Variants in GRB14 observed in about 807,000 individuals in gnomAD.
The protein encoded by GRB14 is growth factor receptor-bound protein 14.
Under a neutral mutation model 69.1 loss-of-function variants are expected in GRB14, and 38 were observed. That is an observed-to-expected ratio of 0.55 (90% CI 0.42 to 0.72). GRB14 has a LOEUF of 0.72. Among genes scored for constraint, GRB14 ranks in the 30% least tolerant of loss-of-function variants. GRB14 has a pLI of 0.00. For missense variants in GRB14, 666 were observed against 666.1 expected (o/e 1.00, Z 0.00); for synonymous variants, 247 against 241.3 (o/e 1.02, Z -0.22).
At chr2:164,505,739 T>C (rs1234416793) in intron 8 of GRB14, among the ~76,000 whole-genome samples, 1 of 152,130 alleles carries the variant, frequency 6.6e-6, no homozygotes, top group African/African-American at 2.4e-5. Context: ...ACAAAAGTGA[T>C]TAAATTACAA....
rs199991617 is a variant in GRB14, at chr2:164,578,516, T to TCG, written c.325-30702_325-30701dup. Among the ~76,000 whole-genome samples the TCG allele has an allele frequency of 1.4e-3, 135 of 95,376 alleles. 1 individual carries two copies. Among genetic ancestry groups the TCG allele is most frequent in the African/African-American group, 4.3e-3 (121 of 27,984 alleles). The allele number at this position is 95,376 out of a possible 152,430, so 62.6% of individuals were successfully genotyped here. A position where few individuals can be genotyped will look rare whatever the true frequency, so the allele number is the denominator to read the frequency against. ...CAAAAAAAAGGAACGAAAAGACAAT[T>TCG]CGCGCGCACACACACACACACACAC... On this transcript the variant is annotated intron_variant, in intron 2 of 13. Coordinates refer to ENST00000263915, the MANE Select transcript of GRB14 (RefSeq NM_004490.3).
intron 2 of GRB14, among the ~76,000 whole-genome samples, chr2:164,572,754 T>C (rs1051249573): frequency 6.6e-6 from 1 of 152,242 alleles, no homozygotes. Context: ...ATGTCTAACT[T>C]CTCTCTGACC....
intron 2 of GRB14, among the ~76,000 whole-genome samples, chr2:164,557,669 C>T (rs1688715289): frequency 6.6e-6 from 1 of 152,162 alleles, no homozygotes; most frequent in African/African-American, 2.4e-5. Context: ...TCACCCCTGA[C>T]CAAGGCTCTT....
chr2:164,508,530 G>T lies in GRB14; in HGVS notation c.948C>A (p.Pro316=), dbSNP rs373508476. Residue 316 remains proline, a synonymous_variant, in exon 8 of 14, where the codon CCC becomes CCA. Coordinates refer to ENST00000263915, the MANE Select transcript of GRB14 (RefSeq NM_004490.3). The part of the protein sequence containing the change: ...FCFKPNKAGG[P]RDLKMLCAEE... ...CTGCACAGAGCATTTTCAGGTCTCG[G>T]GGCCCTCCCGCTTTGTTAGGCTAGA... 1 of 1,613,908 alleles carries T rather than the reference G, an allele frequency of 6.2e-7. No homozygotes were observed. The highest frequency in any genetic ancestry group is 1.3e-5 in the African/African-American group (1 of 75,010).
chr2:164,564,545 C>T (rs1235239269), intron 2 of GRB14, among the ~76,000 whole-genome samples: 1 of 152,176 alleles, frequency 6.6e-6, no homozygotes, highest in Non-Finnish European at 1.5e-5. Context: ...CTCCGTATTA[C>T]ACTCATGAAT....
At chr2:164,505,435 C>T (rs909721480) in intron 8 of GRB14, among the ~76,000 whole-genome samples, 5 of 152,178 alleles carry the variant, frequency 3.3e-5, no homozygotes, top group African/African-American at 9.6e-5. Flanking sequence ...TGTCATTGCC[C>T]GAAACCTTTG....
intron 3 of GRB14, among the ~76,000 whole-genome samples, chr2:164,534,134 T>C (rs1375920317): frequency 6.6e-6 from 1 of 152,172 alleles, no homozygotes; most frequent in Non-Finnish European, 1.5e-5. Flanking sequence ...AGATAACATA[T>C]TAAGGAAGCT....
intron 2 of GRB14, among the ~76,000 whole-genome samples, chr2:164,587,332 C>G (rs1689561586): frequency 6.6e-6 from 1 of 152,110 alleles, no homozygotes; most frequent in Admixed American, 6.6e-5. Flanking sequence ...AAATACAGAG[C>G]CCCTCAGTAA....
At chr2:164,586,079 C>G (rs1047143190) in intron 2 of GRB14, among the ~76,000 whole-genome samples, 2 of 152,018 alleles carry the variant, frequency 1.3e-5, no homozygotes, top group East Asian at 3.9e-4. Context: ...AATAGAACCT[C>G]GAGTTATAGA....
At chr2:164,550,160 T>C (rs979419523) in intron 2 of GRB14, among the ~76,000 whole-genome samples, 2 of 152,160 alleles carry the variant, frequency 1.3e-5, no homozygotes, top group Non-Finnish European at 2.9e-5. Context: ...TTTTAGTCAA[T>C]GGAATGTAAG....
intron 2 of GRB14, chr2:164,568,215 T>A (rs987139497): frequency 5.3e-6 from 3 of 565,332 alleles, no homozygotes; most frequent in Non-Finnish European, 8.3e-6. Context: ...CTTTCAAGGG[T>A]ATGTAAGTAA....
intron 6 of GRB14, among the ~76,000 whole-genome samples, chr2:164,511,784 T>C (rs1042421605): frequency 2.0e-5 from 3 of 152,108 alleles, no homozygotes; most frequent in Admixed American, 2.0e-4. Flanking sequence ...CAATGTATGT[T>C]CGATGCTAGC....
chr2:164,572,347 T>G (rs543913579), intron 2 of GRB14, among the ~76,000 whole-genome samples: 1 of 152,186 alleles, frequency 6.6e-6, no homozygotes, highest in African/African-American at 2.4e-5. Context: ...CACCTCTTTG[T>G]TCATAATGTT....
chr2:164,569,713 C>T (rs887419732), intron 2 of GRB14, among the ~76,000 whole-genome samples: 3 of 152,156 alleles, frequency 2.0e-5, no homozygotes, highest in Non-Finnish European at 4.4e-5. Context: ...CCAAGGATCC[C>T]TGCTTTGAAT....
intron 3 of GRB14, among the ~76,000 whole-genome samples, chr2:164,543,694 T>G (rs1688294802): frequency 6.6e-6 from 1 of 152,184 alleles, no homozygotes; most frequent in Non-Finnish European, 1.5e-5. Context: ...TGTAGCTGCA[T>G]ATCACATTTA....
At chr2:164,548,119 T>C (rs1374832133) in intron 2 of GRB14, among the ~76,000 whole-genome samples, 1 of 152,156 alleles carries the variant, frequency 6.6e-6, no homozygotes, top group Non-Finnish European at 1.5e-5. Flanking sequence ...ATCCCACACA[T>C]CTGCTACTTT....
In GRB14 at chr2:164,521,873, C is replaced by T. The variant is rs1022896554; in HGVS notation, c.816+107G>A. 5 of 1,032,214 alleles carry T rather than the reference C, an allele frequency of 4.8e-6. No individual in the cohort carries two copies. In the African/African-American group the frequency reaches 8.1e-5, roughly 17 times the overall value. The allele number at this position is 1,032,214 out of a possible 1,614,324, so 63.9% of individuals were successfully genotyped here. A position where few individuals can be genotyped will look rare whatever the true frequency, so the allele number is the denominator to read the frequency against. ...CGTTTTAAATCAAGAAAATCAAAGA[C>T]CAACCTTTGACATCAAGTAATAAAG... On this transcript the variant is annotated intron_variant, in intron 6 of 13. Transcript: ENST00000263915.
At chr2:164,542,412 A>G (rs1688264958) in intron 3 of GRB14, among the ~76,000 whole-genome samples, 2 of 152,228 alleles carry the variant, frequency 1.3e-5, no homozygotes, top group Admixed American at 1.3e-4. Flanking sequence ...GAACCTAATT[A>G]AACTAAAGAG....
chr2:164,552,076 G>A (rs1306277300), intron 2 of GRB14, among the ~76,000 whole-genome samples: 1 of 152,128 alleles, frequency 6.6e-6, no homozygotes, highest in Non-Finnish European at 1.5e-5. Flanking sequence ...CAGATCTCTT[G>A]GGAGCTAAGA....
Sources: allele counts gnomAD v4.1 joint callset (sites outside exome capture counted in the v4.1 genomes callset), GRCh38; gene constraint gnomAD v4.1.1; transcripts MANE v1.5; gene names NCBI Gene and HGNC (gene_info 2026-07-23, HGNC 2026-07-21).